Variants in MRLN observed in about 807,000 individuals in gnomAD.
The protein encoded by MRLN is Linc-RNA activator of myogenesis.
intron 1 of MRLN, among the ~76,000 whole-genome samples, chr10:59,751,270 G>A (rs117544478): frequency 2.6e-5 from 4 of 152,132 alleles, no homozygotes; most frequent in African/African-American, 9.7e-5. Context: ...ACAGAGCTTG[G>A]AACAAAGTAA....
chr10:59,746,146 C>T (rs1841042157), intron 1 of MRLN, among the ~76,000 whole-genome samples: 1 of 152,156 alleles, frequency 6.6e-6, no homozygotes, highest in Admixed American at 6.5e-5. Flanking sequence ...ACATCAGTCA[C>T]ACTTCAAAAA....
At chr10:59,746,382 G>C (rs748142910) in intron 1 of MRLN, among the ~76,000 whole-genome samples, 9 of 152,104 alleles carry the variant, frequency 5.9e-5, no homozygotes, top group Non-Finnish European at 1.3e-4. Context: ...TGCACAACTG[G>C]GAGATGAAGG....
Position 59,742,148 on chromosome 10 carries a change from T to C in MRLN, c.-124-3586A>G, listed in dbSNP as rs138578177. ...CCTACCAAGACACATATCCAAACATTGTAATAGCTTCAATATGGAAACAAC... is the reference window on the plus strand; with the variant it reads ...CCTACCAAGACACATATCCAAACATCGTAATAGCTTCAATATGGAAACAAC... On this transcript the variant is annotated intron_variant, in intron 1 of 2. Transcript: ENST00000414264. Among the ~76,000 whole-genome samples, 627 of 152,292 alleles carry C rather than the reference T, an allele frequency of 4.1e-3. 7 individuals carry two copies. Among genetic ancestry groups the C allele is most frequent in the African/African-American group, 0.014 (571 of 41,568 alleles).
chr10:59,752,282 A>T lies in MRLN; in HGVS notation c.-125+1072T>A, dbSNP rs1045759857. On this transcript the variant is annotated intron_variant, in intron 1 of 2. Transcript: ENST00000414264. ...GGCTCTGGATTTAAATTGGAAACAA[A>T]TGAGAGATAATTAGGAAGATTCAGG... is the stretch of plus-strand genomic sequence containing the variant. 1.3e-4 allele frequency among the ~76,000 whole-genome samples: 20 copies of T among 152,352 alleles called. No individual in the cohort carries two copies. The South Asian group carries it at 4.1e-3, about 32-fold the overall frequency.
chr10:59,744,597 G>T (rs10993985), intron 1 of MRLN, among the ~76,000 whole-genome samples: 3 of 152,014 alleles, frequency 2.0e-5, no homozygotes, highest in East Asian at 1.9e-4. Flanking sequence ...GCCGCCACCC[G>T]GTCTGGGAGG....
rs1170377825 is a variant in MRLN, at chr10:59,737,158, T to A, written c.43A>T (p.Lys15Ter). The change falls in exon 3 of 3, where the codon AAA becomes TAA. Residue 15 changes from lysine to a stop codon, truncating the protein, a stop_gained. Transcript: ENST00000414264. LOFTEE classifies it high-confidence loss of function. ...CCCACAATTTCATCTTCTAGACTTT[T>A]GGGAGTAGTAGTAGAAATTAATATC... is the stretch of plus-strand genomic sequence containing the variant. ...NWILISTTTP[K>*]SLEDEIVGRL... is the part of the protein sequence containing the mutation. 3.0e-5 allele frequency: 12 copies of A among 398,066 alleles called. No individual in the cohort carries two copies. Among genetic ancestry groups the A allele is most frequent in the Non-Finnish European group, 5.3e-5 (12 of 225,530 alleles). The allele number at this position is 398,066 out of a possible 1,614,324, so 24.7% of individuals were successfully genotyped here.
chr10:59,743,446 T>A (rs1359963234), intron 1 of MRLN, among the ~76,000 whole-genome samples: 1 of 152,146 alleles, frequency 6.6e-6, no homozygotes, highest in African/African-American at 2.4e-5. Flanking sequence ...AGTATGTAAC[T>A]TCTATGATAA....
intron 1 of MRLN, among the ~76,000 whole-genome samples, chr10:59,753,033 G>A (rs2070180760): frequency 6.6e-6 from 1 of 152,184 alleles, no homozygotes; most frequent in Non-Finnish European, 1.5e-5. Context: ...AGGTCAAGCT[G>A]CAGCCACAGG....
In MRLN at chr10:59,740,105, A is replaced by G. The variant is rs564598561; in HGVS notation, c.-124-1543T>C. On this transcript the variant is annotated intron_variant, in intron 1 of 2. Coordinates refer to ENST00000414264, the MANE Select transcript of MRLN (RefSeq NM_001304731.2). The stretch of plus-strand genomic sequence containing the variant: ...GACTCCATCTTAAAAAAAAAAAAAA[A>G]GATTATAACAGAGTTGTAAAATTCC... 3.9e-3 allele frequency among the ~76,000 whole-genome samples: 587 copies of G among 149,742 alleles called. 5 individuals are homozygous for G. The highest frequency in any genetic ancestry group is 0.013 in the African/African-American group (536 of 41,080).
Position 59,753,417 on chromosome 10 carries a change from C to T in MRLN, c.-188G>A, listed in dbSNP as rs1215745729. The T allele has an allele frequency of 6.6e-6, 1 of 151,968 alleles. No homozygotes were observed. The highest frequency in any genetic ancestry group is 1.5e-5 in the Non-Finnish European group (1 of 68,020). The allele number at this position is 151,968 out of a possible 1,614,324, so 9.4% of individuals were successfully genotyped here. A position where few individuals can be genotyped will look rare whatever the true frequency, so the allele number is the denominator to read the frequency against. Reference sequence around the variant, plus strand: ...AATGATCTCTCTCTTTTATGAAAAACACCATATGGTCTTGGTGGATCAGGA... The same window carrying T: ...AATGATCTCTCTCTTTTATGAAAAATACCATATGGTCTTGGTGGATCAGGA... On this transcript the variant is annotated 5_prime_UTR_variant, in exon 1 of 3. Coordinates refer to ENST00000414264, the MANE Select transcript of MRLN (RefSeq NM_001304731.2).
intron 1 of MRLN, among the ~76,000 whole-genome samples, chr10:59,740,407 T>C (rs562143827): frequency 4.6e-5 from 7 of 152,272 alleles, no homozygotes; most frequent in Admixed American, 1.3e-4. Context: ...GTCCTTGAGG[T>C]ATTCCAGAAG....
chr10:59,753,298 G>A lies in MRLN; in HGVS notation c.-125+56C>T, dbSNP rs140835296. 1.5e-4 allele frequency: 23 copies of A among 151,338 alleles called. No individual in the cohort carries two copies. In the East Asian group the frequency reaches 4.3e-3, roughly 28 times the overall value. The allele number at this position is 151,338 out of a possible 1,614,324, so 9.4% of individuals were successfully genotyped here. A position where few individuals can be genotyped will look rare whatever the true frequency, so the allele number is the denominator to read the frequency against. The stretch of plus-strand genomic sequence containing the variant: ...CACTAAACTTTCCTCCAAAATCAAC[G>A]TCTTAAAATGCTACATTAAAAAACA... On this transcript the variant is annotated intron_variant, in intron 1 of 2. Transcript: ENST00000414264.
At chr10:59,745,798 T>C (rs1456776208) in intron 1 of MRLN, among the ~76,000 whole-genome samples, 3 of 152,254 alleles carry the variant, frequency 2.0e-5, no homozygotes, top group African/African-American at 7.2e-5. Context: ...TCCTCTGTTC[T>C]TCACTCTGCC....
intron 1 of MRLN, among the ~76,000 whole-genome samples, chr10:59,752,579 C>T (rs528739869): frequency 3.3e-5 from 5 of 152,298 alleles, no homozygotes; most frequent in African/African-American, 1.2e-4. Flanking sequence ...ATTTAGAAGC[C>T]TGGTGCACAT....
At chr10:59,741,732 T>C (rs1257405433) in intron 1 of MRLN, among the ~76,000 whole-genome samples, 1 of 152,222 alleles carries the variant, frequency 6.6e-6, no homozygotes, top group Non-Finnish European at 1.5e-5. Context: ...CAGGCTGGAA[T>C]GTAGTGGTGT....
intron 1 of MRLN, chr10:59,739,193 A>G (rs192648174): frequency 7.2e-5 from 11 of 152,308 alleles, no homozygotes; most frequent in African/African-American, 2.2e-4. Flanking sequence ...TAATATCTTC[A>G]TGACAAAACA....
Position 59,744,158 on chromosome 10 carries a change from C to G in MRLN, c.-124-5596G>C, listed in dbSNP as rs531220548. On this transcript the variant is annotated intron_variant, in intron 1 of 2. Coordinates refer to ENST00000414264, the MANE Select transcript of MRLN (RefSeq NM_001304731.2). Reference sequence around the variant, plus strand: ...GATGTGAGGAGCCCCTCTGCCTGGCCGCCCAGTCTGGGAAGTGAGGAGCAC... The same window carrying G: ...GATGTGAGGAGCCCCTCTGCCTGGCGGCCCAGTCTGGGAAGTGAGGAGCAC... The G allele has an allele frequency of 4.0e-3, 623 of 157,632 alleles. 7 individuals carry two copies. Among genetic ancestry groups the G allele is most frequent in the African/African-American group, 0.014 (567 of 41,392 alleles). 9.8% of individuals were successfully genotyped at this position (157,632 alleles called of 1,614,324 possible). A position where few individuals can be genotyped will look rare whatever the true frequency, so the allele number is the denominator to read the frequency against.
intron 1 of MRLN, among the ~76,000 whole-genome samples, chr10:59,748,070 C>T (rs1841060334): frequency 6.7e-6 from 1 of 150,108 alleles, no homozygotes; most frequent in South Asian, 2.1e-4. Flanking sequence ...AGAACTATGT[C>T]TTATTAATGC....
intron 1 of MRLN, among the ~76,000 whole-genome samples, chr10:59,744,438 CCGGG>C: frequency 6.6e-6 from 1 of 151,418 alleles, no homozygotes; most frequent in Non-Finnish European, 1.5e-5. Flanking sequence ...GCTGCCCCTT[CCGGG>C]AGGCGGGGAG....
Sources: allele counts gnomAD v4.1 joint callset (sites outside exome capture counted in the v4.1 genomes callset), GRCh38; gene constraint gnomAD v4.1.1; transcripts MANE v1.5; gene names NCBI Gene and HGNC (gene_info 2026-07-23, HGNC 2026-07-21).